The following PARD3B variants were observed in gnomAD, a reference collection of about 807,000 sequenced individuals.
The protein encoded by PARD3B is par-3 family cell polarity regulator beta, also known as partitioning defective 3 homolog B.
Under a neutral mutation model 130.2 loss-of-function variants are expected in PARD3B, and 103 were observed. The observed-to-expected ratio is 0.79, with a 90% CI of 0.67 to 0.93. PARD3B has a LOEUF of 0.93. Ranked by LOEUF, PARD3B falls within the 40% of genes least tolerant of loss-of-function variation. The pLI, the probability that PARD3B is intolerant of heterozygous loss-of-function variation, is 0.00. For missense variants in PARD3B, 1,609 were observed against 1,499.2 expected, an observed-to-expected ratio of 1.07 and a Z score of -1.21; for synonymous variants, 583 against 553.2, an observed-to-expected ratio of 1.05 and a Z score of -0.76.
At chr2:205,521,197 TTAC>T in intron 21 of PARD3B, among the ~76,000 whole-genome samples, 1 of 152,008 alleles carries the variant, frequency 6.6e-6, no homozygotes, top group African/African-American at 2.4e-5. Context: ...TTTCCTAGTA[TTAC>T]CAATTTGATG....
At chr2:205,299,686 C>T (rs1043976394) in intron 16 of PARD3B, among the ~76,000 whole-genome samples, 6 of 151,466 alleles carry the variant, frequency 4.0e-5, no homozygotes, top group African/African-American at 1.5e-4. Flanking sequence ...TGGGAGGGGG[C>T]AGGTAGAGGG....
rs1174707563 is a variant in PARD3B at position 205,550,496 on chromosome 2, GC to G, written c.3181-2826del. ...ATAATTTCTTATGTGCAAGCTTGCTGCCTATCTTTTGAAGACTGGCCCAAGT... is the reference window on the plus strand; with the variant it reads ...ATAATTTCTTATGTGCAAGCTTGCTGCTATCTTTTGAAGACTGGCCCAAGT... On this transcript the variant is annotated intron_variant, in intron 21 of 22. Transcript: ENST00000406610. The surrounding 1 kb of genome is among the most constrained non-coding windows in gnomAD (Gnocchi z 4.5). Among the ~76,000 whole-genome samples the G allele has an allele frequency of 6.6e-6, 1 of 152,144 alleles. No individual in the cohort carries two copies. The highest frequency in any genetic ancestry group is 1.5e-5 in the Non-Finnish European group (1 of 68,022).
In PARD3B at chr2:205,229,753, C is replaced by CA. The variant is rs2038738424; in HGVS notation, c.2141-16023dup. The stretch of plus-strand genomic sequence containing the variant: ...GCTTGTGTCCTTCCCTTCAGGACAG[C>CA]AAGGTCCCCCTGGCCTCGAGTGAGT... On this transcript the variant is annotated intron_variant, in intron 15 of 22. Coordinates refer to ENST00000406610, the MANE Select transcript of PARD3B (RefSeq NM_001302769.2). The surrounding 1 kb of genome is among the most constrained non-coding windows in gnomAD (Gnocchi z 5.2). 2.6e-5 allele frequency among the ~76,000 whole-genome samples: 4 copies of CA among 152,088 alleles called. No individual in the cohort carries two copies. The South Asian group carries it at 8.3e-4, about 32-fold the overall frequency.
At chr2:204,581,257 C>T (rs2032539061) in intron 1 of PARD3B, among the ~76,000 whole-genome samples, 1 of 152,208 alleles carries the variant, frequency 6.6e-6, no homozygotes, top group African/African-American at 2.4e-5. Context: ...CAGGTCTGTT[C>T]TCTCTGAGGT....
intron 2 of PARD3B, among the ~76,000 whole-genome samples, chr2:204,770,488 G>C (rs2041318602): frequency 6.6e-6 from 1 of 151,646 alleles, no homozygotes; most frequent in Middle Eastern, 3.2e-3. Flanking sequence ...TGTTGATTTG[G>C]GGTGGAGAGT....
intron 2 of PARD3B, among the ~76,000 whole-genome samples, chr2:204,686,636 C>A (rs1029733383): frequency 6.6e-6 from 1 of 152,020 alleles, no homozygotes; most frequent in African/African-American, 2.4e-5. Context: ...ATGCCTGAGG[C>A]GTGAATGTGT....
Position 204,625,830 on chromosome 2 carries a change from G to A in PARD3B, c.121-60351G>A, listed in dbSNP as rs573233558. ...AATTCCTTCCTTTTTGGAAGAAATA[G>A]GTGATGATTTACTGATGTATCACAG... On this transcript the variant is annotated intron_variant, in intron 1 of 22. Coordinates refer to ENST00000406610, the MANE Select transcript of PARD3B (RefSeq NM_001302769.2). Among the ~76,000 whole-genome samples the A allele has an allele frequency of 2.0e-5, 3 of 152,200 alleles. No individual in the cohort carries two copies. The East Asian group carries it at 5.8e-4, about 29-fold the overall frequency.
At chr2:205,231,474 A>G (rs977280381) in intron 15 of PARD3B, among the ~76,000 whole-genome samples, 10 of 151,366 alleles carry the variant, frequency 6.6e-5, no homozygotes, top group Non-Finnish European at 1.2e-4. Context: ...CCACAGGCAC[A>G]TAACACCATG....
chr2:205,104,514 G>A lies in PARD3B; in HGVS notation c.593G>A (p.Ser198Asn). The change falls in exon 5 of 23, where the codon AGT becomes AAT. Residue 198 changes from serine to asparagine, a missense_variant and splice_region_variant. Transcript: ENST00000406610. ...TCGCCAAGAACTAAGGACACATTGAGGTATTCTCTTTATACAGATAAGAAT... is the reference window on the plus strand; with the variant it reads ...TCGCCAAGAACTAAGGACACATTGAAGTATTCTCTTTATACAGATAAGAAT... ...LTSPRTKDTLSDMTRTVEISG... is the reference protein window; with the variant it reads ...LTSPRTKDTLNDMTRTVEISG... The A allele has an allele frequency of 2.6e-6, 4 of 1,519,252 alleles. No individual in the cohort carries two copies. In the South Asian group the frequency reaches 3.4e-5, roughly 13 times the overall value. The allele number at this position is 1,519,252 out of a possible 1,614,324, so 94.1% of individuals were successfully genotyped here.
intron 1 of PARD3B, among the ~76,000 whole-genome samples, chr2:204,640,877 G>A (rs1442498363): frequency 6.7e-6 from 1 of 149,882 alleles, no homozygotes; most frequent in African/African-American, 2.4e-5. Flanking sequence ...GTGGGCAGAG[G>A]GGAGGAAATT....
rs1350012407 is a variant in PARD3B at position 205,440,711 on chromosome 2, A to G, written c.3044+39A>G. 7.1e-6 allele frequency: 11 copies of G among 1,559,244 alleles called. No individual in the cohort carries two copies. Among genetic ancestry groups the G allele is most frequent in the Admixed American group, 1.7e-5 (1 of 58,778 alleles). On this transcript the variant is annotated intron_variant, in intron 20 of 22. Transcript: ENST00000406610. This position sits in a 1 kb window ranked among gnomAD's most constrained non-coding sequence, Gnocchi z 4.2. ...TGAAAGATAAATGTAGCTTTAATTC[A>G]GTATGTTTCAAATCATCTCTACTGC...
At chr2:204,841,084 T>C (rs2044243366) in intron 2 of PARD3B, among the ~76,000 whole-genome samples, 2 of 152,148 alleles carry the variant, frequency 1.3e-5, no homozygotes, top group Admixed American at 6.5e-5. Context: ...GAAGAGCACA[T>C]TGGCAAGGAC....
intron 1 of PARD3B, among the ~76,000 whole-genome samples, chr2:204,659,429 A>G (rs1183037467): frequency 6.6e-6 from 1 of 152,172 alleles, no homozygotes; most frequent in Non-Finnish European, 1.5e-5. Flanking sequence ...GGACAGGGAA[A>G]TCAAATTCCC....
At chr2:205,156,329 G>C (rs1418646950) in intron 10 of PARD3B, among the ~76,000 whole-genome samples, 21 of 151,164 alleles carry the variant, frequency 1.4e-4, no homozygotes, top group Non-Finnish European at 2.5e-4. Context: ...GAGTTAATGG[G>C]TGCAGCACAC....
At chr2:205,404,480 C>T (rs1370402252) in intron 19 of PARD3B, among the ~76,000 whole-genome samples, 1 of 152,194 alleles carries the variant, frequency 6.6e-6, no homozygotes. Flanking sequence ...TCTTTGAACA[C>T]TTGATATCCA....
chr2:204,986,101 CAAA>C (rs371839271), intron 3 of PARD3B, among the ~76,000 whole-genome samples: 6 of 51,238 alleles, frequency 1.2e-4, no homozygotes, highest in African/African-American at 5.0e-4. Flanking sequence ...ACTCTGTCTC[CAAA>C]AAAAAAAAAA....
intron 22 of PARD3B, among the ~76,000 whole-genome samples, chr2:205,604,646 C>G (rs1414513118): frequency 6.6e-6 from 1 of 151,968 alleles, no homozygotes; most frequent in East Asian, 1.9e-4. Flanking sequence ...ACATTTTTTC[C>G]TTCATTTTGA....
At chr2:205,199,494 T>TAC (rs1039470368) in intron 15 of PARD3B, among the ~76,000 whole-genome samples, 1 of 151,970 alleles carries the variant, frequency 6.6e-6, no homozygotes, top group African/African-American at 2.4e-5. Flanking sequence ...CACATATATA[T>TAC]ACACACGCAC....
rs1360753481 is a variant in PARD3B at position 205,146,229 on chromosome 2, G to T, written c.1435-12493G>T. ...GTGCTATCTTTTAAAGATGTTACAT[G>T]CAGGTAGCCTGGCATCAAAGAATTT... On this transcript the variant is annotated intron_variant, in intron 10 of 22. Transcript: ENST00000406610. This position sits in a 1 kb window ranked among gnomAD's most constrained non-coding sequence, Gnocchi z 4.3. Among the ~76,000 whole-genome samples the T allele has an allele frequency of 2.6e-5, 4 of 152,190 alleles. No homozygotes were observed. Among genetic ancestry groups the T allele is most frequent in the African/African-American group, 9.7e-5 (4 of 41,442 alleles).
Sources: gnomAD v4.1 joint callset for allele counts (sites outside exome capture counted in the v4.1 genomes callset) on GRCh38, gnomAD v4.1.1 for gene constraint, Gnocchi (gnomAD v3.1) non-coding constraint, MANE v1.5 for transcripts, NCBI Gene and HGNC (gene_info 2026-07-23, HGNC 2026-07-21) for gene names.